The following SEMA5A variants were observed in gnomAD, a reference collection of about 807,000 sequenced individuals.
The protein encoded by SEMA5A is semaphorin 5A.
A neutral mutation model predicts 135.5 loss-of-function variants in SEMA5A; 55 were observed. The ratio of observed to expected loss-of-function variants is 0.41; its 90% confidence interval spans 0.33 to 0.51. The LOEUF (loss-of-function observed/expected upper bound fraction) is 0.51. SEMA5A is among the 20% of genes least tolerant of loss of function. The probability of loss-of-function intolerance (pLI) is 0.37; values close to 1 mark genes in which losing one functional copy is unlikely to be tolerated. For synonymous variants in SEMA5A, 580 were observed against 546.5 expected, an observed-to-expected ratio of 1.06 and a Z score of -0.85; for missense variants, 1,290 against 1,419.9, an observed-to-expected ratio of 0.91 and a Z score of 1.47.
chr5:9,327,874 C>G (rs1752948377), intron 4 of SEMA5A, among the ~76,000 whole-genome samples: 2 of 152,114 alleles, frequency 1.3e-5, no homozygotes, highest in Admixed American at 1.3e-4. Context: ...TGATTTGTTC[C>G]TTTCTGTTTT....
intron 1 of SEMA5A, among the ~76,000 whole-genome samples, chr5:9,536,105 G>C (rs2126360199): frequency 6.6e-6 from 1 of 152,266 alleles, no homozygotes; most frequent in South Asian, 2.1e-4. Flanking sequence ...CAGACACAGA[G>C]CACAAAACTT....
intron 11 of SEMA5A, among the ~76,000 whole-genome samples, chr5:9,175,906 G>A (rs1290671527): frequency 1.3e-5 from 2 of 152,172 alleles, no homozygotes; most frequent in African/African-American, 2.4e-5. Flanking sequence ...GTAAGACAGA[G>A]GGCATCTAAT....
intron 13 of SEMA5A, among the ~76,000 whole-genome samples, chr5:9,123,354 G>C (rs1453002973): frequency 6.7e-6 from 1 of 148,340 alleles, no homozygotes; most frequent in Non-Finnish European, 1.5e-5. Context: ...AGATGGTGAG[G>C]AAGAAGCAGG....
chr5:9,440,658 G>A (rs184171217), intron 1 of SEMA5A, among the ~76,000 whole-genome samples: 111 of 152,304 alleles, frequency 7.3e-4, no homozygotes, highest in African/African-American at 2.3e-3. Flanking sequence ...GTCTCTAGAT[G>A]GAACTACATG....
At chr5:9,463,798 C>G (rs2126735240) in intron 1 of SEMA5A, among the ~76,000 whole-genome samples, 1 of 152,086 alleles carries the variant, frequency 6.6e-6, no homozygotes, top group South Asian at 2.1e-4. Context: ...ACAGCTGTAA[C>G]CATCAGACTT....
At chr5:9,130,188 A>G (rs1461359027) in intron 13 of SEMA5A, among the ~76,000 whole-genome samples, 1 of 152,148 alleles carries the variant, frequency 6.6e-6, no homozygotes, top group Admixed American at 6.5e-5. Flanking sequence ...ATGTAGATGC[A>G]TTTGGTGAGT....
At chr5:9,393,117 A>G (rs1177409394) in intron 2 of SEMA5A, among the ~76,000 whole-genome samples, 1 of 152,222 alleles carries the variant, frequency 6.6e-6, no homozygotes, top group Non-Finnish European at 1.5e-5. Flanking sequence ...CATGGAGGAC[A>G]TTACAATAAA....
chr5:9,339,656 C>T (rs1329969755), intron 3 of SEMA5A, among the ~76,000 whole-genome samples: 1 of 152,036 alleles, frequency 6.6e-6, no homozygotes, highest in African/African-American at 2.4e-5. Context: ...ACTTAAGAAA[C>T]TACTAGGAAA....
At chr5:9,286,197 T>C (rs2150574519) in intron 5 of SEMA5A, among the ~76,000 whole-genome samples, 1 of 152,252 alleles carries the variant, frequency 6.6e-6, no homozygotes, top group African/African-American at 2.4e-5. Context: ...ATTCCATCTT[T>C]AACATTATAA....
intron 2 of SEMA5A, among the ~76,000 whole-genome samples, chr5:9,399,308 G>C (rs563569646): frequency 6.6e-6 from 1 of 152,194 alleles, no homozygotes; most frequent in Non-Finnish European, 1.5e-5. Flanking sequence ...CTATAATGTG[G>C]ATGCTATAAC....
intron 1 of SEMA5A, among the ~76,000 whole-genome samples, chr5:9,447,022 T>C (rs917320945): frequency 6.6e-6 from 1 of 152,312 alleles, no homozygotes; most frequent in South Asian, 2.1e-4. Context: ...ATTTATCCCA[T>C]AAAAGTTGGC....
chr5:9,332,493 C>T (rs1388181607), intron 4 of SEMA5A, among the ~76,000 whole-genome samples: 1 of 128,232 alleles, frequency 7.8e-6, no homozygotes, highest in Admixed American at 8.4e-5. Flanking sequence ...TCACATTGGG[C>T]CAGGTGTACA....
intron 2 of SEMA5A, among the ~76,000 whole-genome samples, chr5:9,386,097 G>A (rs1755875306): frequency 6.6e-6 from 1 of 152,144 alleles, no homozygotes; most frequent in Non-Finnish European, 1.5e-5. Context: ...ATCACGCCCA[G>A]CTGGAACGTG....
intron 2 of SEMA5A, among the ~76,000 whole-genome samples, chr5:9,393,438 C>T (rs1013612962): frequency 2.6e-5 from 4 of 152,182 alleles, no homozygotes; most frequent in Non-Finnish European, 4.4e-5. Flanking sequence ...TTAGGAGAGG[C>T]AGCCTTGCAT....
intron 2 of SEMA5A, among the ~76,000 whole-genome samples, chr5:9,435,914 T>G (rs1758011356): frequency 1.3e-5 from 2 of 152,214 alleles, no homozygotes; most frequent in African/African-American, 4.8e-5. Flanking sequence ...GTTCTGAGTT[T>G]CTCTCTACAG....
intron 5 of SEMA5A, among the ~76,000 whole-genome samples, chr5:9,268,830 G>A (rs900552467): frequency 1.1e-4 from 16 of 152,166 alleles, no homozygotes; most frequent in African/African-American, 3.4e-4. Context: ...CCAACTGCTT[G>A]AATTTGTAAT....
intron 1 of SEMA5A, among the ~76,000 whole-genome samples, chr5:9,521,267 G>A (rs778841663): frequency 1.4e-4 from 22 of 152,150 alleles, no homozygotes; most frequent in East Asian, 5.8e-4. Context: ...AAAATTAGCC[G>A]GGCGTGGTGG....
rs777820821 is a variant in SEMA5A, at chr5:9,237,823, C to T, written c.333+5G>A. The T allele has an allele frequency of 1.4e-5, 22 of 1,613,254 alleles. No individual in the cohort carries two copies. The highest frequency in any genetic ancestry group is 1.6e-5 in the Non-Finnish European group (19 of 1,179,472). On this transcript the variant is annotated splice_donor_5th_base_variant and intron_variant, in intron 6 of 22. Coordinates refer to ENST00000382496, the MANE Select transcript of SEMA5A (RefSeq NM_003966.3). ...GATGGCTGCTCATAATTGCATTCTT[C>T]TTACCTTTGATTTGCCTTTGCTGTA...
chr5:9,483,690 C>T (rs1196485062), intron 1 of SEMA5A, among the ~76,000 whole-genome samples: 1 of 152,162 alleles, frequency 6.6e-6, no homozygotes, highest in Admixed American at 6.6e-5. Context: ...TACCCTGGTA[C>T]CTGCCAACCG....
Sources: allele counts gnomAD v4.1 joint callset (sites outside exome capture counted in the v4.1 genomes callset), GRCh38; gene constraint gnomAD v4.1.1; transcripts MANE v1.5; gene names NCBI Gene and HGNC (gene_info 2026-07-23, HGNC 2026-07-21).